The following AGBL1 variants were observed in gnomAD, a reference collection of about 807,000 sequenced individuals.
AGBL1 encodes cytosolic carboxypeptidase 4.
AGBL1 carries 130 observed loss-of-function variants against 118.9 expected under a neutral mutation model. That is an observed-to-expected ratio of 1.09 (90% CI 0.95 to 1.26). The LOEUF (loss-of-function observed/expected upper bound fraction) is 1.26, where lower values mean the gene tolerates loss of function less well. AGBL1 is among the 50% of genes most tolerant of loss of function. The pLI is 0.00. For missense variants in AGBL1, 1,584 were observed against 1,298.1 expected, an observed-to-expected ratio of 1.22 and a Z score of -3.38; for synonymous variants, 555 against 478.9, an observed-to-expected ratio of 1.16 and a Z score of -2.08.
chr15:86,446,809 G>A (rs965857189), intron 18 of AGBL1, among the ~76,000 whole-genome samples: 4 of 152,170 alleles, frequency 2.6e-5, no homozygotes, highest in Non-Finnish European at 4.4e-5. Context: ...ATGCAATTTT[G>A]AAAATAATTA....
intron 21 of AGBL1, among the ~76,000 whole-genome samples, chr15:86,616,374 G>GAAAAAAAAAAAAA (rs2084725990): frequency 1.4e-5 from 2 of 142,394 alleles, no homozygotes; most frequent in African/African-American, 5.6e-5. Context: ...AAAAAAAAAT[G>GAAAAAAAAAAAAA]AAGATGGAAA....
chr15:86,790,646 A>G (rs898815028), intron 22 of AGBL1, among the ~76,000 whole-genome samples: 1 of 152,186 alleles, frequency 6.6e-6, no homozygotes, highest in Non-Finnish European at 1.5e-5. Flanking sequence ...CCATTGGAAT[A>G]CTAATAGGGT....
chr15:86,430,417 C>T (rs2142037698), intron 18 of AGBL1, among the ~76,000 whole-genome samples: 1 of 151,696 alleles, frequency 6.6e-6, no homozygotes, highest in East Asian at 2.0e-4. Flanking sequence ...ATGGCGTGAA[C>T]CCAGGAGGTG....
chr15:86,144,202 C>T (rs763339957), intron 3 of AGBL1, among the ~76,000 whole-genome samples: 1 of 152,168 alleles, frequency 6.6e-6, no homozygotes, highest in Non-Finnish European at 1.5e-5. Context: ...AAAAGGAACA[C>T]TTATACACTG....
chr15:86,255,864 C>T (rs1039433215), intron 7 of AGBL1, among the ~76,000 whole-genome samples: 3 of 152,008 alleles, frequency 2.0e-5, no homozygotes, highest in Non-Finnish European at 2.9e-5. Flanking sequence ...AATTTTTTTC[C>T]TCCATGTTCT....
At chr15:86,326,819 T>C (rs1271586484) in intron 17 of AGBL1, among the ~76,000 whole-genome samples, 2 of 152,138 alleles carry the variant, frequency 1.3e-5, no homozygotes, top group Non-Finnish European at 2.9e-5. Context: ...ACTGATGAAG[T>C]ATCTGAAAGA....
At chr15:86,686,094 A>G (rs2086049861) in intron 22 of AGBL1, among the ~76,000 whole-genome samples, 1 of 152,234 alleles carries the variant, frequency 6.6e-6, no homozygotes, top group African/African-American at 2.4e-5. Context: ...ACTTGTGGTC[A>G]ACCTAGAAAA....
intron 22 of AGBL1, among the ~76,000 whole-genome samples, chr15:86,868,220 G>A (rs545323744): frequency 1.8e-4 from 27 of 152,302 alleles, no homozygotes; most frequent in African/African-American, 5.5e-4. Context: ...AGCCATGGAC[G>A]TAGAGTGAAG....
intron 22 of AGBL1, among the ~76,000 whole-genome samples, chr15:86,851,693 T>G (rs971321602): frequency 6.6e-6 from 1 of 152,128 alleles, no homozygotes; most frequent in Non-Finnish European, 1.5e-5. Context: ...GGCCTAGGCA[T>G]GGGCAGTAGC....
chr15:86,401,958 T>C (rs1440101645), intron 18 of AGBL1, among the ~76,000 whole-genome samples: 2 of 152,094 alleles, frequency 1.3e-5, no homozygotes, highest in African/African-American at 4.8e-5. Flanking sequence ...ATATGAGTTT[T>C]AGGATTGTTT....
intron 22 of AGBL1, among the ~76,000 whole-genome samples, chr15:86,883,468 T>C (rs2079924690): frequency 6.6e-6 from 1 of 152,242 alleles, no homozygotes; most frequent in Admixed American, 6.5e-5. Flanking sequence ...TCTTTGCTTC[T>C]GAACCTGGAG....
intron 5 of AGBL1, 54 bp downstream of exon 5, chr15:86,159,080 A>C: frequency 6.6e-7 from 1 of 1,508,366 alleles, no homozygotes; most frequent in Non-Finnish European, 9.2e-7. Context: ...GGAGAGATGG[A>C]GATTGCCCTA....
At chr15:87,006,526 C>G (rs993527826) in intron 24 of AGBL1, among the ~76,000 whole-genome samples, 1 of 152,160 alleles carries the variant, frequency 6.6e-6, no homozygotes, top group African/African-American at 2.4e-5. Context: ...GTGCTGTTTG[C>G]TAAGATTATT....
In AGBL1 at chr15:86,196,261, T is replaced by G. The variant is rs113286321; in HGVS notation, c.489-28653T>G. Among the ~76,000 whole-genome samples, 104 of 152,190 alleles carry G rather than the reference T, an allele frequency of 6.8e-4. 2 individuals carry two copies. Among genetic ancestry groups the G allele is most frequent in the Non-Finnish European group, 1.5e-4 (10 of 68,034 alleles). ...ATGTAGGATGGACGTCAGGGTTGGT[T>G]GATTCAGTGGCTCAGTGATGGCATC... On this transcript the variant is annotated intron_variant, in intron 5 of 22. Transcript: ENST00000614907.
At chr15:86,455,092 C>T (rs975842996) in intron 18 of AGBL1, among the ~76,000 whole-genome samples, 1 of 152,050 alleles carries the variant, frequency 6.6e-6, no homozygotes, top group African/African-American at 2.4e-5. Context: ...GATTCAAGAC[C>T]TGATTTTCCT....
At chr15:86,802,184 G>A (rs897190982) in intron 22 of AGBL1, among the ~76,000 whole-genome samples, 1 of 152,044 alleles carries the variant, frequency 6.6e-6, no homozygotes, top group Non-Finnish European at 1.5e-5. Context: ...TTTCAAGTTT[G>A]ACTCATCAGC....
intron 22 of AGBL1, among the ~76,000 whole-genome samples, chr15:86,795,875 C>T (rs1296793875): frequency 3.3e-5 from 5 of 151,578 alleles, no homozygotes; most frequent in African/African-American, 9.7e-5. Context: ...CGTGAGCCAT[C>T]CTGCCTGGCC....
intron 22 of AGBL1, among the ~76,000 whole-genome samples, chr15:86,867,060 C>T (rs919836348): frequency 6.6e-6 from 1 of 151,986 alleles, no homozygotes; most frequent in South Asian, 2.1e-4. Context: ...GTGGCTGTGG[C>T]ATGGAGTTTG....
intron 18 of AGBL1, among the ~76,000 whole-genome samples, chr15:86,480,525 A>G (rs2082637042): frequency 6.6e-6 from 1 of 152,106 alleles, no homozygotes; most frequent in African/African-American, 2.4e-5. Flanking sequence ...ATAAACATTC[A>G]TTGAACATCA....
Sources: gnomAD v4.1 joint callset for allele counts (sites outside exome capture counted in the v4.1 genomes callset) on GRCh38, gnomAD v4.1.1 for gene constraint, MANE v1.5 for transcripts, NCBI Gene and HGNC (gene_info 2026-07-23, HGNC 2026-07-21) for gene names.